The following ANKRD11 variants were observed in gnomAD, a reference collection of about 807,000 sequenced individuals.
ANKRD11 encodes ankyrin repeat domain-containing protein 11.
In ANKRD11, 17 loss-of-function variants were observed where a neutral mutation model predicts 195.7. The ratio of observed to expected loss-of-function variants is 0.09; its 90% confidence interval spans 0.06 to 0.13. ANKRD11 has a LOEUF of 0.13. Ranked by LOEUF, ANKRD11 falls within the 10% of genes least tolerant of loss-of-function variation. The pLI is 1.00. For missense variants in ANKRD11, 3,735 were observed against 3,566.1 expected (o/e 1.05, Z -1.21); for synonymous variants, 1,953 against 1,528.1 (o/e 1.28, Z -6.49).
At chr16:89,431,372 C>G (rs892095887) in intron 1 of ANKRD11, 7 of 153,150 alleles carry the variant, frequency 4.6e-5, no homozygotes, top group Admixed American at 2.0e-4. Flanking sequence ...CCCATCACCA[C>G]CACTGGCCAC....
chr16:89,277,736 T>C (rs533202441), intron 9 of ANKRD11: 1 of 152,472 alleles, frequency 6.6e-6, no homozygotes, highest in African/African-American at 2.4e-5. Flanking sequence ...GGAGCAGAGC[T>C]CAGAGCTTGG....
intron 4 of ANKRD11, among the ~76,000 whole-genome samples, chr16:89,292,934 C>T (rs904931252): frequency 5.9e-5 from 9 of 152,218 alleles, no homozygotes; most frequent in African/African-American, 1.4e-4. Context: ...TCATAGCCAC[C>T]TCTAAACAAC....
At chr16:89,452,166 G>A (rs987003026) in intron 1 of ANKRD11, among the ~76,000 whole-genome samples, 1 of 152,158 alleles carries the variant, frequency 6.6e-6, no homozygotes, top group African/African-American at 2.4e-5. Flanking sequence ...GCTGCAGCAG[G>A]AGAATCGCTT....
At chr16:89,278,492 C>T in intron 9 of ANKRD11, 2 of 455,456 alleles carry the variant, frequency 4.4e-6, no homozygotes, top group South Asian at 1.6e-5. Context: ...CCTGAGCCTG[C>T]AGAGGTAGGG....
chr16:89,469,009 C>A (rs551476682), intron 1 of ANKRD11, among the ~76,000 whole-genome samples: 2 of 152,124 alleles, frequency 1.3e-5, no homozygotes, highest in Non-Finnish European at 2.9e-5. Flanking sequence ...TAGAAGGGAA[C>A]TTCCTCAACC....
chr16:89,443,905 C>T (rs2043652567), intron 1 of ANKRD11, among the ~76,000 whole-genome samples: 1 of 152,118 alleles, frequency 6.6e-6, no homozygotes, highest in Non-Finnish European at 1.5e-5. Context: ...AAGCCTGTGC[C>T]AACTACAGCT....
At chr16:89,475,254 G>A (rs963623762) in intron 1 of ANKRD11, among the ~76,000 whole-genome samples, 1 of 152,186 alleles carries the variant, frequency 6.6e-6, no homozygotes, top group Non-Finnish European at 1.5e-5. Context: ...TTAAGCTGGA[G>A]GGACAAGAAA....
intron 1 of ANKRD11, among the ~76,000 whole-genome samples, chr16:89,485,601 C>G (rs1429992295): frequency 6.6e-6 from 1 of 152,070 alleles, no homozygotes; most frequent in African/African-American, 2.4e-5. Flanking sequence ...ACTGTAAACC[C>G]AAAAATCTAA....
At chr16:89,353,350 A>AAAG (rs1555550448) in intron 2 of ANKRD11, among the ~76,000 whole-genome samples, 3 of 149,460 alleles carry the variant, frequency 2.0e-5, no homozygotes, top group African/African-American at 7.4e-5. Context: ...TCCAAAAAAA[A>AAAG]AGAGAGAGAG....
chr16:89,340,663 C>G (rs2038613709), intron 2 of ANKRD11, among the ~76,000 whole-genome samples: 1 of 152,122 alleles, frequency 6.6e-6, no homozygotes, highest in African/African-American at 2.4e-5. Context: ...TGATTACATT[C>G]TACAAAAAGA....
At chr16:89,381,065 G>T (rs1359250049) in intron 2 of ANKRD11, among the ~76,000 whole-genome samples, 1 of 152,218 alleles carries the variant, frequency 6.6e-6, no homozygotes, top group Non-Finnish European at 1.5e-5. Context: ...GCTCAGGCCT[G>T]TCATCCCAGC....
chr16:89,312,176 G>A (rs936187620), intron 3 of ANKRD11, among the ~76,000 whole-genome samples: 8 of 152,236 alleles, frequency 5.3e-5, no homozygotes, highest in Non-Finnish European at 1.5e-5. Context: ...GGGATGACAG[G>A]TGTGAGCCAC....
intron 1 of ANKRD11, among the ~76,000 whole-genome samples, chr16:89,454,239 C>A (rs564897123): frequency 6.6e-6 from 1 of 152,254 alleles, no homozygotes; most frequent in African/African-American, 2.4e-5. Context: ...CTGTAGCTTA[C>A]AGACCAAGGC....
At chr16:89,301,479 A>G (rs1419277883) in intron 4 of ANKRD11, 2 of 398,410 alleles carry the variant, frequency 5.0e-6, no homozygotes, top group Non-Finnish European at 8.8e-6. Flanking sequence ...AGAGCAGGGC[A>G]GGCAAGATGG....
At chr16:89,421,853 C>A (rs72803358) in intron 1 of ANKRD11, among the ~76,000 whole-genome samples, 3,780 of 152,178 alleles carry the variant, frequency 0.025, 63 homozygotes, top group Non-Finnish European at 0.036. Flanking sequence ...TGTCTTGGGG[C>A]AGGGGTGGGG....
At chr16:89,353,204 T>C (rs894378270) in intron 2 of ANKRD11, among the ~76,000 whole-genome samples, 6 of 151,996 alleles carry the variant, frequency 3.9e-5, no homozygotes, top group Admixed American at 6.5e-5. Flanking sequence ...TAGCCGTGCA[T>C]GGTGGCAGAC....
At chr16:89,427,576 C>G (rs557426840) in intron 1 of ANKRD11, among the ~76,000 whole-genome samples, 120 of 152,262 alleles carry the variant, frequency 7.9e-4, no homozygotes, top group African/African-American at 2.5e-3. Context: ...GCGGGAGGAT[C>G]ACTTGATGTC....
chr16:89,294,531 G>C (rs900250002), intron 4 of ANKRD11, among the ~76,000 whole-genome samples: 2 of 152,138 alleles, frequency 1.3e-5, no homozygotes, highest in Non-Finnish European at 2.9e-5. Flanking sequence ...CAGCAAACTT[G>C]CACGTCTGTC....
intron 1 of ANKRD11, among the ~76,000 whole-genome samples, chr16:89,448,305 C>G (rs1331330875): frequency 6.6e-6 from 1 of 152,150 alleles, no homozygotes; most frequent in Non-Finnish European, 1.5e-5. Context: ...GAAAAAGTCT[C>G]AACTGTAAAA....
Sources: gnomAD v4.1 joint callset for allele counts (sites outside exome capture counted in the v4.1 genomes callset) on GRCh38, gnomAD v4.1.1 for gene constraint, MANE v1.5 for transcripts, NCBI Gene and HGNC (gene_info 2026-07-23, HGNC 2026-07-21) for gene names.